The following SLC6A11 variants were observed in gnomAD, a reference collection of about 807,000 sequenced individuals.
SLC6A11 encodes sodium- and chloride-dependent GABA transporter 3.
Under a neutral mutation model 74.8 loss-of-function variants are expected in SLC6A11, and 25 were observed. The ratio of observed to expected loss-of-function variants is 0.33; its 90% confidence interval spans 0.24 to 0.47. SLC6A11 has a LOEUF of 0.47. Ranked by LOEUF, SLC6A11 falls within the 20% of genes least tolerant of loss-of-function variation. SLC6A11 has a pLI of 1.00. For synonymous variants in SLC6A11, 330 were observed against 330.2 expected (o/e 1.00, Z 0.01); for missense variants, 574 against 837.0 (o/e 0.69, Z 3.88).
At chr3:10,845,665 C>T (rs932298124) in intron 5 of SLC6A11, among the ~76,000 whole-genome samples, 1 of 152,130 alleles carries the variant, frequency 6.6e-6, no homozygotes, top group Non-Finnish European at 1.5e-5. Flanking sequence ...CAAGGTGCTC[C>T]ATGCTACGGG....
chr3:10,937,436 A>T (rs1330679397), intron 13 of SLC6A11, among the ~76,000 whole-genome samples: 1 of 152,228 alleles, frequency 6.6e-6, no homozygotes, highest in African/African-American at 2.4e-5. Flanking sequence ...GCACAGCAGG[A>T]TCTGAAAGAG....
At chr3:10,846,965 C>T (rs1461588462) in intron 5 of SLC6A11, among the ~76,000 whole-genome samples, 2 of 152,184 alleles carry the variant, frequency 1.3e-5, no homozygotes, top group African/African-American at 4.8e-5. Context: ...TTCCCTGAAC[C>T]TCCTTTTTCT....
At chr3:10,824,754 T>C (rs1694184618) in intron 4 of SLC6A11, 1 of 152,246 alleles carries the variant, frequency 6.6e-6, no homozygotes, top group African/African-American at 2.4e-5. Context: ...GATGGGCATT[T>C]AGGCTGTTGC....
chr3:10,900,047 T>C (rs73121707), intron 6 of SLC6A11, among the ~76,000 whole-genome samples: 14,563 of 152,294 alleles, frequency 0.096, 1,158 homozygotes, highest in Admixed American at 0.26. Flanking sequence ...TGATGAGTAA[T>C]GTCTGCCCTG....
intron 5 of SLC6A11, among the ~76,000 whole-genome samples, chr3:10,847,065 G>A (rs1166926243): frequency 1.3e-5 from 2 of 152,158 alleles, no homozygotes; most frequent in South Asian, 2.1e-4. Flanking sequence ...TGCTTCACAT[G>A]CCTGCTCCAT....
At chr3:10,863,904 T>G (rs950774500) in intron 5 of SLC6A11, among the ~76,000 whole-genome samples, 6 of 152,154 alleles carry the variant, frequency 3.9e-5, no homozygotes, top group Admixed American at 2.6e-4. Context: ...GCTCTGAGCT[T>G]GAATCCTGCC....
chr3:10,915,744 G>T lies in SLC6A11; in HGVS notation c.996-2585G>T, dbSNP rs1695445769. Among the ~76,000 whole-genome samples, 1 of 152,160 alleles carries T rather than the reference G, an allele frequency of 6.6e-6. No homozygotes were observed. On this transcript the variant is annotated intron_variant, in intron 7 of 13. Transcript: ENST00000254488. This position sits in a 1 kb window ranked among gnomAD's most constrained non-coding sequence, Gnocchi z 4.3. Reference sequence around the variant, plus strand: ...CTGGAAGGGACCTCAGGTCCCTAAAGAGCTTCTCTGTCTCTCCTTCTGTCT... The same window carrying T: ...CTGGAAGGGACCTCAGGTCCCTAAATAGCTTCTCTGTCTCTCCTTCTGTCT...
At chr3:10,923,062 CAATA>C (rs1252885706) in intron 8 of SLC6A11, among the ~76,000 whole-genome samples, 4 of 151,834 alleles carry the variant, frequency 2.6e-5, no homozygotes, top group African/African-American at 9.7e-5. Context: ...TTGGAAGTAT[CAATA>C]TATTAAAATT....
intron 6 of SLC6A11, among the ~76,000 whole-genome samples, chr3:10,890,286 C>T (rs148136219): frequency 9.8e-5 from 15 of 152,328 alleles, no homozygotes; most frequent in African/African-American, 1.9e-4. Flanking sequence ...CCTGAAGGCA[C>T]GCTGACAGCC....
At chr3:10,906,522 G>C (rs924139158) in intron 6 of SLC6A11, among the ~76,000 whole-genome samples, 12 of 152,196 alleles carry the variant, frequency 7.9e-5, no homozygotes, top group African/African-American at 2.2e-4. Context: ...TACTGGGAGA[G>C]GACTCTCTTT....
chr3:10,854,848 T>C (rs1694619215), intron 5 of SLC6A11, among the ~76,000 whole-genome samples: 1 of 152,234 alleles, frequency 6.6e-6, no homozygotes, highest in African/African-American at 2.4e-5. Flanking sequence ...CACATGTTTG[T>C]CCCATTGTAA....
intron 4 of SLC6A11, chr3:10,825,113 C>T (rs1258678569): frequency 3.4e-5 from 5 of 145,892 alleles, no homozygotes; most frequent in Admixed American, 1.4e-4. Flanking sequence ...ACCTGGAAGG[C>T]GAAAGTTGCA....
At chr3:10,830,890 A>C (rs751376491) in intron 4 of SLC6A11, among the ~76,000 whole-genome samples, 17 of 152,156 alleles carry the variant, frequency 1.1e-4, no homozygotes, top group Non-Finnish European at 2.2e-4. Flanking sequence ...CAGCCTCCCC[A>C]GGCTGCAGGT....
At chr3:10,895,425 G>A (rs1695158674) in intron 6 of SLC6A11, among the ~76,000 whole-genome samples, 1 of 152,034 alleles carries the variant, frequency 6.6e-6, no homozygotes, top group African/African-American at 2.4e-5. Context: ...ACCATAAGAA[G>A]GACTGAGATC....
chr3:10,897,045 A>T (rs902380886), intron 6 of SLC6A11, among the ~76,000 whole-genome samples: 10 of 152,192 alleles, frequency 6.6e-5, no homozygotes, highest in Non-Finnish European at 1.5e-4. Flanking sequence ...AATGAGAGCC[A>T]AGTGAAAGGG....
intron 7 of SLC6A11, among the ~76,000 whole-genome samples, chr3:10,912,984 A>C (rs1393925058): frequency 5.9e-5 from 9 of 152,124 alleles, no homozygotes; most frequent in Non-Finnish European, 1.3e-4. Flanking sequence ...AAGCAGAGAT[A>C]AGACCATGGA....
chr3:10,917,914 G>GA (rs2106628901), intron 7 of SLC6A11, among the ~76,000 whole-genome samples: 1 of 152,318 alleles, frequency 6.6e-6, no homozygotes, highest in African/African-American at 2.4e-5. Flanking sequence ...CCCTGGCTGA[G>GA]AAGCCCCCAT....
intron 6 of SLC6A11, among the ~76,000 whole-genome samples, chr3:10,893,427 G>A (rs1306207480): frequency 2.6e-5 from 4 of 152,158 alleles, no homozygotes; most frequent in African/African-American, 9.7e-5. Flanking sequence ...ATAATATCAG[G>A]AGTTCAGAGG....
At chr3:10,934,340 C>G (rs556320410) in intron 12 of SLC6A11, among the ~76,000 whole-genome samples, 174 bp downstream of exon 12, 1 of 152,340 alleles carries the variant, frequency 6.6e-6, no homozygotes, top group South Asian at 2.1e-4. Context: ...CTGGGCTTGG[C>G]CAAGGAGTGG....
Sources: gnomAD v4.1 joint callset for allele counts (sites outside exome capture counted in the v4.1 genomes callset) on GRCh38, gnomAD v4.1.1 for gene constraint, Gnocchi (gnomAD v3.1) non-coding constraint, MANE v1.5 for transcripts, NCBI Gene and HGNC (gene_info 2026-07-23, HGNC 2026-07-21) for gene names.